Variants in SLC39A11 observed in about 807,000 individuals in gnomAD.
SLC39A11 encodes zinc transporter ZIP11.
SLC39A11 carries 33 observed loss-of-function variants against 36.1 expected under a neutral mutation model. The observed-to-expected ratio is 0.91, with a 90% CI of 0.69 to 1.22. The LOEUF is 1.22. Ranked by LOEUF, SLC39A11 falls within the 50% of genes most tolerant of loss-of-function variation. The pLI, the probability that SLC39A11 is intolerant of heterozygous loss-of-function variation, is 0.00. For missense variants in SLC39A11, 432 were observed against 430.3 expected, an observed-to-expected ratio of 1.00 and a Z score of -0.03; for synonymous variants, 166 against 170.3, an observed-to-expected ratio of 0.97 and a Z score of 0.20.
chr17:73,004,232 A>AAAAGAAAG (rs59543378), intron 4 of SLC39A11, among the ~76,000 whole-genome samples: 13 of 88,644 alleles, frequency 1.5e-4, no homozygotes, highest in South Asian at 4.0e-4. Context: ...AGAAAGAAAG[A>AAAAGAAAG]AAAGAAAGAA....
At chr17:72,718,009 C>A (rs562005697) in intron 7 of SLC39A11, among the ~76,000 whole-genome samples, 222 of 152,372 alleles carry the variant, frequency 1.5e-3, no homozygotes, top group African/African-American at 5.2e-3. Context: ...CAAAGTAACA[C>A]TCATCTGGAG....
chr17:72,875,789 G>A (rs2080871689), intron 5 of SLC39A11, among the ~76,000 whole-genome samples: 1 of 152,146 alleles, frequency 6.6e-6, no homozygotes, highest in Non-Finnish European at 1.5e-5. Flanking sequence ...GGTGGGACTT[G>A]ATTCCAAAGG....
chr17:72,795,040 T>C (rs2076849826), intron 6 of SLC39A11, among the ~76,000 whole-genome samples: 2 of 152,254 alleles, frequency 1.3e-5, no homozygotes, highest in South Asian at 2.1e-4. Flanking sequence ...AGTGAAGTTA[T>C]GATAACATTT....
intron 4 of SLC39A11, among the ~76,000 whole-genome samples, chr17:73,005,868 T>A (rs972266346): frequency 5.9e-5 from 9 of 152,104 alleles, no homozygotes; most frequent in African/African-American, 2.2e-4. Context: ...AGGGAATCGC[T>A]TGAACCTGGG....
At chr17:72,854,617 A>G (rs1292066602) in intron 5 of SLC39A11, among the ~76,000 whole-genome samples, 1 of 152,182 alleles carries the variant, frequency 6.6e-6, no homozygotes, top group Non-Finnish European at 1.5e-5. Flanking sequence ...TTCTTTTGGG[A>G]AGGAGAATGA....
chr17:72,723,173 G>A lies in SLC39A11; in HGVS notation c.671+13477C>T, dbSNP rs142205591. On this transcript the variant is annotated intron_variant, in intron 7 of 9. Transcript: ENST00000255559. ...AGAAACTGAGGCACATACAGTAAGG[G>A]CCGAGTGCTCAGTCAGGTTGTCAGG... 5.8e-3 allele frequency among the ~76,000 whole-genome samples: 878 copies of A among 152,272 alleles called. 8 individuals carry two copies. The highest frequency in any genetic ancestry group is 0.02 in the Middle Eastern group (6 of 294).
At chr17:72,703,893 C>A (rs771750803) in intron 7 of SLC39A11, among the ~76,000 whole-genome samples, 2 of 152,158 alleles carry the variant, frequency 1.3e-5, no homozygotes, top group Non-Finnish European at 2.9e-5. Context: ...TTCGGGAGGC[C>A]GAGGTGGGTG....
At chr17:72,980,038 C>T (rs2088182824) in intron 4 of SLC39A11, among the ~76,000 whole-genome samples, 2 of 152,204 alleles carry the variant, frequency 1.3e-5, no homozygotes, top group African/African-American at 4.8e-5. Flanking sequence ...CCCAGCCACC[C>T]TGCTCTGTTA....
At chr17:72,822,628 G>A (rs1454205236) in intron 6 of SLC39A11, among the ~76,000 whole-genome samples, 1 of 151,268 alleles carries the variant, frequency 6.6e-6, no homozygotes, top group Non-Finnish European at 1.5e-5. Flanking sequence ...TTCTCACCAG[G>A]GAGAGAAGGG....
chr17:72,760,296 G>A (rs1787003999), intron 6 of SLC39A11, among the ~76,000 whole-genome samples: 1 of 152,236 alleles, frequency 6.6e-6, no homozygotes, highest in South Asian at 2.1e-4. Context: ...CCAAAGTGCT[G>A]GGACTACAGG....
chr17:72,857,874 T>C (rs944418199), intron 5 of SLC39A11, among the ~76,000 whole-genome samples: 20 of 152,330 alleles, frequency 1.3e-4, no homozygotes, highest in Admixed American at 8.5e-4. Context: ...ATGCTGGATA[T>C]TATATCTGTC....
At chr17:72,801,613 G>C (rs994744406) in intron 6 of SLC39A11, among the ~76,000 whole-genome samples, 1 of 152,200 alleles carries the variant, frequency 6.6e-6, no homozygotes, top group East Asian at 1.9e-4. Flanking sequence ...CATTGTAAAT[G>C]GTTGAACTGT....
intron 5 of SLC39A11, among the ~76,000 whole-genome samples, chr17:72,909,943 G>A (rs963767543): frequency 5.3e-5 from 8 of 151,474 alleles, no homozygotes; most frequent in East Asian, 1.9e-4. Flanking sequence ...TAGTAGAGAC[G>A]GGGTTTCACC....
chr17:72,942,060 TA>T (rs2085142087), intron 5 of SLC39A11, among the ~76,000 whole-genome samples: 1 of 98,490 alleles, frequency 1.0e-5, no homozygotes, highest in Non-Finnish European at 2.5e-5. Flanking sequence ...TTTGTATTAT[TA>T]TTATTTTTTT....
At chr17:72,743,355 GC>G (rs2074794669) in intron 6 of SLC39A11, among the ~76,000 whole-genome samples, 1 of 152,222 alleles carries the variant, frequency 6.6e-6, no homozygotes, top group Non-Finnish European at 1.5e-5. Flanking sequence ...GAGGTTTGGA[GC>G]AAAGGGAATG....
chr17:72,896,498 G>A (rs1269585550), intron 5 of SLC39A11, among the ~76,000 whole-genome samples: 6 of 151,836 alleles, frequency 4.0e-5, no homozygotes, highest in Admixed American at 2.6e-4. Context: ...CACTGCACCC[G>A]GCCTACATTA....
intron 4 of SLC39A11, 94 bp downstream of exon 4, chr17:73,031,462 C>A: frequency 7.4e-7 from 1 of 1,358,390 alleles, no homozygotes; most frequent in Non-Finnish European, 1.0e-6. Flanking sequence ...TTAACAGAGA[C>A]ATTAACAGGT....
intron 5 of SLC39A11, among the ~76,000 whole-genome samples, chr17:72,861,657 TTA>T (rs373265286): frequency 0.17 from 8,420 of 50,700 alleles, 715 homozygotes; most frequent in Non-Finnish European, 0.2. Flanking sequence ...ATACAACACA[TTA>T]TATATATATA....
chr17:72,698,747 A>G (rs1216789465), intron 7 of SLC39A11, among the ~76,000 whole-genome samples: 1 of 152,124 alleles, frequency 6.6e-6, no homozygotes, highest in African/African-American at 2.4e-5. Context: ...CATTATCCCC[A>G]CGGTACAAAC....
Sources: allele counts gnomAD v4.1 joint callset (sites outside exome capture counted in the v4.1 genomes callset), GRCh38; gene constraint gnomAD v4.1.1; transcripts MANE v1.5; gene names NCBI Gene and HGNC (gene_info 2026-07-23, HGNC 2026-07-21).